Variants in JAKMIP2 observed in about 807,000 individuals in gnomAD.
JAKMIP2 encodes janus kinase and microtubule-interacting protein 2.
Under a neutral mutation model 115.0 loss-of-function variants are expected in JAKMIP2, and 25 were observed. The ratio of observed to expected loss-of-function variants is 0.22; its 90% CI spans 0.16 to 0.30. The LOEUF (loss-of-function observed/expected upper bound fraction) is 0.30, where lower values mean the gene tolerates loss of function less well. JAKMIP2 is among the 10% of genes least tolerant of loss of function. The probability of loss-of-function intolerance (pLI) is 1.00; values close to 1 mark genes in which losing one functional copy is unlikely to be tolerated. For synonymous variants in JAKMIP2, 334 were observed against 343.6 expected (o/e 0.97, Z 0.31); for missense variants, 642 against 957.6 (o/e 0.67, Z 4.35).
intron 1 of JAKMIP2, among the ~76,000 whole-genome samples, chr5:147,764,542 G>A (rs1755043683): frequency 6.6e-6 from 1 of 151,950 alleles, no homozygotes; most frequent in South Asian, 2.1e-4. Context: ...GGGATATTGA[G>A]TTAAGTAAAA....
At chr5:147,752,038 G>C (rs1184861540) in intron 1 of JAKMIP2, among the ~76,000 whole-genome samples, 6 of 152,106 alleles carry the variant, frequency 3.9e-5, no homozygotes. Flanking sequence ...CTGATGATGG[G>C]GAGTACTACA....
rs1252070693 is a variant in JAKMIP2 at position 147,588,187 on chromosome 5, T to C, written c.*3520A>G. On this transcript the variant is annotated 3_prime_UTR_variant, in exon 22 of 22. Transcript: ENST00000616793. ...GTTTTTCCCCTCTTTCATGAAATTT[T>C]TCTATCCTGAATAACTATTTAAATT... is the stretch of plus-strand genomic sequence containing the variant. 1 of 152,176 alleles carries C rather than the reference T, an allele frequency of 6.6e-6. No individual in the cohort carries two copies. The highest frequency in any genetic ancestry group is 1.5e-5 in the Non-Finnish European group (1 of 68,034). 9.4% of individuals were successfully genotyped at this position (152,176 alleles called of 1,614,324 possible). A position where few individuals can be genotyped will look rare whatever the true frequency, so the allele number is the denominator to read the frequency against.
chr5:147,604,366 C>T (rs949161293), intron 20 of JAKMIP2, among the ~76,000 whole-genome samples: 3 of 152,118 alleles, frequency 2.0e-5, no homozygotes, highest in Admixed American at 2.0e-4. Context: ...TCATTTGTTC[C>T]TCATGGAACC....
intron 1 of JAKMIP2, 31 bp from the exon 2 acceptor site, chr5:147,671,985 T>C: frequency 8.1e-7 from 1 of 1,233,142 alleles, no homozygotes; most frequent in Non-Finnish European, 1.0e-6. Context: ...TAGTTATTGT[T>C]TTGGCAAAGA....
At position 147,601,762 on chromosome 5, in the gene JAKMIP2, C is replaced by T; in HGVS notation, c.2462G>A (p.Ter821=). The change falls in exon 21 of 22, where the codon TGA becomes TAA. Residue 821 remains the stop codon, a stop_retained_variant. Coordinates refer to ENST00000616793, the MANE Select transcript of JAKMIP2 (RefSeq NM_001270941.2). ...FFSLAFILWP[*] is the part of the protein sequence containing the mutation. The stretch of plus-strand genomic sequence containing the variant: ...TTACCTTTAAGAGGCACCTTGACAT[C>T]AAGGCCATAGAATAAAGGCAAGAGA... 6.6e-7 allele frequency: 1 copy of T among 1,525,310 alleles called. No homozygotes were observed. Among genetic ancestry groups the T allele is most frequent in the Middle Eastern group, 1.7e-4 (1 of 5,886 alleles). The allele number at this position is 1,525,310 out of a possible 1,614,324, so 94.5% of individuals were successfully genotyped here.
chr5:147,672,340 C>T (rs978865550), intron 1 of JAKMIP2, among the ~76,000 whole-genome samples: 1 of 152,150 alleles, frequency 6.6e-6, no homozygotes, highest in African/African-American at 2.4e-5. Flanking sequence ...GGCAGAGAGA[C>T]CCAACTTTAA....
rs1262825863 is a variant in JAKMIP2 at position 147,744,653 on chromosome 5, TA to T, written c.-149+37802del. The stretch of plus-strand genomic sequence containing the variant: ...TAGTTTACTATAAGCTGTTTAATGG[TA>T]AAAAAATTAAAGATTGGTACAAAAA... On this transcript the variant is annotated intron_variant, in intron 1 of 21. Coordinates refer to ENST00000616793, the MANE Select transcript of JAKMIP2 (RefSeq NM_001270941.2). 3.9e-5 allele frequency among the ~76,000 whole-genome samples: 6 copies of T among 152,270 alleles called. No homozygotes were observed. In the South Asian group the frequency reaches 6.2e-4, roughly 16 times the overall value.
chr5:147,770,607 G>A lies in JAKMIP2; in HGVS notation c.-149+11849C>T, dbSNP rs754966723. Among the ~76,000 whole-genome samples, 60 of 151,938 alleles carry A rather than the reference G, an allele frequency of 3.9e-4. 1 individual carries two copies. Among genetic ancestry groups the A allele is most frequent in the Admixed American group, 2.3e-3 (35 of 15,254 alleles). The stretch of plus-strand genomic sequence containing the variant: ...CCACAGAAACTATATTGTTCATAGC[G>A]TTAAATTCTGAAATATGTACTGCCC... On this transcript the variant is annotated intron_variant, in intron 1 of 21. Coordinates refer to ENST00000616793, the MANE Select transcript of JAKMIP2 (RefSeq NM_001270941.2).
At chr5:147,754,614 T>C (rs1039830961) in intron 1 of JAKMIP2, among the ~76,000 whole-genome samples, 7 of 152,126 alleles carry the variant, frequency 4.6e-5, no homozygotes, top group Non-Finnish European at 7.4e-5. Flanking sequence ...TTTTGGGTGA[T>C]ACAAGCAAAC....
intron 1 of JAKMIP2, among the ~76,000 whole-genome samples, chr5:147,764,947 G>A (rs57025813): frequency 0.065 from 2,291 of 35,442 alleles, 125 homozygotes; most frequent in East Asian, 0.2. Flanking sequence ...AGAGAGAGAG[G>A]GAGAGAGAGA....
At position 147,681,424 on chromosome 5, in the gene JAKMIP2, T is replaced by C. The variant is rs545031738; in HGVS notation, c.-148-9470A>G. The stretch of plus-strand genomic sequence containing the variant: ...ATCCTACTCATCTTTTAGGGCCAGA[T>C]CAAATATCATGTCATACCACTTTTC... On this transcript the variant is annotated intron_variant, in intron 1 of 21. Transcript: ENST00000616793. 2.0e-5 allele frequency among the ~76,000 whole-genome samples: 3 copies of C among 152,312 alleles called. No individual in the cohort carries two copies. The South Asian group carries it at 6.2e-4, about 32-fold the overall frequency.
intron 1 of JAKMIP2, among the ~76,000 whole-genome samples, chr5:147,695,247 GA>G (rs1752049262): frequency 6.6e-6 from 1 of 152,126 alleles, no homozygotes; most frequent in Admixed American, 6.5e-5. Flanking sequence ...CTTAAATAAA[GA>G]AAAGCCTATT....
At chr5:147,660,918 A>G (rs751807621) in intron 3 of JAKMIP2, 30 bp downstream of exon 3, 1 of 1,606,744 alleles carries the variant, frequency 6.2e-7, no homozygotes, top group South Asian at 1.1e-5. Context: ...GATGGGTTCT[A>G]CATGGGTCTG....
intron 1 of JAKMIP2, among the ~76,000 whole-genome samples, chr5:147,682,228 A>C (rs1760325710): frequency 6.6e-6 from 1 of 152,130 alleles, no homozygotes; most frequent in African/African-American, 2.4e-5. Context: ...CATACTGGCA[A>C]AAGTTTTGTG....
chr5:147,618,918 G>A (rs569709812), intron 18 of JAKMIP2, among the ~76,000 whole-genome samples: 56 of 152,110 alleles, frequency 3.7e-4, no homozygotes, highest in African/African-American at 1.0e-3. Context: ...CTTTATGGTC[G>A]CCATATTTTT....
intron 1 of JAKMIP2, among the ~76,000 whole-genome samples, chr5:147,673,624 C>T (rs1436149701): frequency 6.6e-6 from 1 of 152,172 alleles, no homozygotes; most frequent in East Asian, 1.9e-4. Flanking sequence ...AGTTGTCCTT[C>T]ACGCTTCCTT....
At chr5:147,667,290 A>G (rs1245640221) in intron 2 of JAKMIP2, among the ~76,000 whole-genome samples, 1 of 152,158 alleles carries the variant, frequency 6.6e-6, no homozygotes, top group African/African-American at 2.4e-5. Flanking sequence ...GTTTAATCCT[A>G]CCAAGGAAAG....
intron 1 of JAKMIP2, among the ~76,000 whole-genome samples, chr5:147,689,263 T>C (rs1308366476): frequency 6.6e-6 from 1 of 152,134 alleles, no homozygotes; most frequent in Non-Finnish European, 1.5e-5. Flanking sequence ...GTGCAGACCA[T>C]GCTGTGCTTT....
intron 1 of JAKMIP2, among the ~76,000 whole-genome samples, chr5:147,765,011 A>AGAGAGAGAGAGAGAG (rs1755101225): frequency 1.0e-5 from 1 of 99,302 alleles, no homozygotes; most frequent in East Asian, 2.7e-4. Context: ...AGAGAGAGAG[A>AGAGAGAGAGAGAGAG]AAGGGAGACA....
Sources: gnomAD v4.1 joint callset for allele counts (sites outside exome capture counted in the v4.1 genomes callset) on GRCh38, gnomAD v4.1.1 for gene constraint, MANE v1.5 for transcripts, NCBI Gene and HGNC (gene_info 2026-07-23, HGNC 2026-07-21) for gene names.